Variants in SYNE1 observed in about 807,000 individuals in gnomAD.
The protein encoded by SYNE1 is nesprin-1.
SYNE1 carries 616 observed loss-of-function variants against 1,111.0 expected under a neutral mutation model. The observed-to-expected ratio is 0.55, with a 90% confidence interval of 0.52 to 0.59. The LOEUF is 0.59. Among genes scored for constraint, SYNE1 ranks in the 20% least tolerant of loss-of-function variants. SYNE1 has a pLI of 0.00. For missense variants in SYNE1, 10,006 were observed against 10,417.0 expected (o/e 0.96, Z 1.72); for synonymous variants, 3,855 against 3,825.8 (o/e 1.01, Z -0.28).
At chr6:152,215,164 G>A (rs1482986274) in intron 121 of SYNE1, 104 bp from the exon 122 acceptor site, 11 of 1,325,204 alleles carry the variant, frequency 8.3e-6, no homozygotes, top group Admixed American at 3.5e-5. Flanking sequence ...GCTGGTCTTC[G>A]GTCTAGTGGC....
intron 86 of SYNE1, 87 bp from the exon 87 acceptor site, chr6:152,317,073 C>T (rs2095744329): frequency 1.1e-5 from 17 of 1,490,610 alleles, no homozygotes; most frequent in African/African-American, 5.5e-5. Context: ...TTGGACACAA[C>T]AGTCTTAGGG....
At position 152,239,574 on chromosome 6, in the gene SYNE1, G is replaced by A. The variant is rs747926603; in HGVS notation, c.20026C>T (p.Arg6676Trp). 27 of 1,614,056 alleles carry A rather than the reference G, an allele frequency of 1.7e-5. No individual in the cohort carries two copies. In the Admixed American group the frequency reaches 1.8e-4, roughly 11 times the overall value. ...AGCTCCACACCCCTCTTGTGAGCCCGTTTCAGTACAGCAGAAGCCTGAGCC... is the reference window on the plus strand; with the variant it reads ...AGCTCCACACCCCTCTTGTGAGCCCATTTCAGTACAGCAGAAGCCTGAGCC... Reference protein sequence around the residue: ...LMAQASAVLKRAHKRGVELEY... With the variant: ...LMAQASAVLKWAHKRGVELEY... The change falls in exon 108 of 146, where the codon CGG becomes TGG. Residue 6676 changes from arginine (R) to tryptophan (W), a missense_variant. By Grantham distance (101) the Arg-to-Trp change is moderately radical. This residue lies in a region of SYNE1 where 2,182 missense variants were observed against 2,287.8 expected (regional missense o/e 0.95). Transcript: ENST00000367255.
chr6:152,139,609 G>A (rs1337986332), intron 140 of SYNE1, among the ~76,000 whole-genome samples: 4 of 140,298 alleles, frequency 2.9e-5, no homozygotes, highest in African/African-American at 5.3e-5. Flanking sequence ...GGGAGGGAGG[G>A]GGGAGAGAGG....
Position 152,395,582 on chromosome 6 carries a change from T to C in SYNE1, c.7646A>G (p.His2549Arg), listed in dbSNP as rs776730119. The part of the protein sequence containing the change: ...NTENLGESKQ[H>R]IPEKKNEVHK... Reference sequence around the variant, plus strand: ...AACTTCATTTTTCTTCTCAGGAATGTGCTGTTTACTCTCTCCCAAGTTTTC... The same window carrying C: ...AACTTCATTTTTCTTCTCAGGAATGCGCTGTTTACTCTCTCCCAAGTTTTC... The change falls in exon 51 of 146, where the codon CAC becomes CGC. Residue 2549 changes from histidine to arginine, a missense_variant. By Grantham distance (29) the His-to-Arg change is conservative. Transcript: ENST00000367255. The C allele has an allele frequency of 1.2e-6, 2 of 1,614,172 alleles. No homozygotes were observed. The highest frequency in any genetic ancestry group is 2.2e-5 in the East Asian group (1 of 44,876).
intron 42 of SYNE1, among the ~76,000 whole-genome samples, chr6:152,412,340 C>T (rs1479484375): frequency 1.3e-5 from 2 of 151,106 alleles, no homozygotes; most frequent in African/African-American, 4.9e-5. Flanking sequence ...AGGAGAATGG[C>T]GTGAACCTGG....
At position 152,122,324 on chromosome 6, in the gene SYNE1, C is replaced by A; in HGVS notation, c.*112G>T. ...GTGATCTGGAGGAGGGCTAAAGCTG[C>A]CACACCGAGGGCTTTCGCCAAGATC... On this transcript the variant is annotated 3_prime_UTR_variant, in exon 146 of 146. Coordinates refer to ENST00000367255, the MANE Select transcript of SYNE1 (RefSeq NM_182961.4). 4 of 1,575,614 alleles carry A rather than the reference C, an allele frequency of 2.5e-6. No individual in the cohort carries two copies. The highest frequency in any genetic ancestry group is 3.5e-6 in the Non-Finnish European group (4 of 1,149,574).
chr6:152,440,629 G>T (rs556590020), intron 32 of SYNE1, among the ~76,000 whole-genome samples: 1 of 144,256 alleles, frequency 6.9e-6, no homozygotes, highest in South Asian at 2.2e-4. Flanking sequence ...GTGCAGTGGT[G>T]CCATCTCGGC....
chr6:152,211,241 T>C (rs1408287209), intron 124 of SYNE1, among the ~76,000 whole-genome samples: 1 of 152,208 alleles, frequency 6.6e-6, no homozygotes, highest in African/African-American at 2.4e-5. Flanking sequence ...TTCCTACAGA[T>C]GACTAGTGAA....
At chr6:152,633,119 T>G (rs1228281611) in intron 2 of SYNE1, among the ~76,000 whole-genome samples, 1 of 152,176 alleles carries the variant, frequency 6.6e-6, no homozygotes, top group Non-Finnish European at 1.5e-5. Context: ...ATTCCCAAGA[T>G]TATTAAAACA....
chr6:152,378,551 AT>A lies in SYNE1; in HGVS notation c.9010-1640del, dbSNP rs1291950717. Among the ~76,000 whole-genome samples, 4 of 152,090 alleles carry A rather than the reference AT, an allele frequency of 2.6e-5. No individual in the cohort carries two copies. The East Asian group carries it at 7.7e-4, about 29-fold the overall frequency. On this transcript the variant is annotated intron_variant, in intron 56 of 145. Transcript: ENST00000367255. ...CGTTGACTTTCACAGACCCACTTAC[AT>A]ATTCATTATTTCTTTTGGGGGTGGC...
chr6:152,360,251 C>T (rs1228881667), intron 64 of SYNE1, among the ~76,000 whole-genome samples: 1 of 152,188 alleles, frequency 6.6e-6, no homozygotes, highest in Non-Finnish European at 1.5e-5. Flanking sequence ...CTCCATCAAA[C>T]TCCCCTTGCA....
intron 91 of SYNE1, among the ~76,000 whole-genome samples, chr6:152,306,043 C>A (rs1342747710): frequency 6.6e-6 from 1 of 152,096 alleles, no homozygotes; most frequent in Non-Finnish European, 1.5e-5. Context: ...CAGATAGTTT[C>A]TGTTACAGTG....
At chr6:152,224,698 A>G in intron 116 of SYNE1, 34 bp from the exon 117 acceptor site, 1 of 1,592,156 alleles carries the variant, frequency 6.3e-7, no homozygotes, top group Non-Finnish European at 8.6e-7. Context: ...TTATAATTTC[A>G]TAATATCTAG....
chr6:152,228,359 AC>A (rs1224901877), intron 115 of SYNE1, among the ~76,000 whole-genome samples: 2 of 152,130 alleles, frequency 1.3e-5, no homozygotes, highest in Non-Finnish European at 2.9e-5. Flanking sequence ...ACACTGTCTG[AC>A]CTGGCTCTCT....
rs950080973 is a variant in SYNE1 at position 152,148,865 on chromosome 6, G to A, written c.24643-487C>T. On this transcript the variant is annotated intron_variant, in intron 136 of 145. Transcript: ENST00000367255. This position sits in a 1 kb window ranked among gnomAD's most constrained non-coding sequence, Gnocchi z 4.1. ...CAACACCTACACACTGGCAAGGATC[G>A]GAAATAAGAGCAAATTACTAAGACC... 1.1e-4 allele frequency among the ~76,000 whole-genome samples: 16 copies of A among 152,008 alleles called. No homozygotes were observed. Among genetic ancestry groups the A allele is most frequent in the South Asian group, 8.3e-4 (4 of 4,814 alleles).
In SYNE1 at chr6:152,180,179, T is replaced by G; in HGVS notation, c.23417A>C (p.Asn7806Thr). The change falls in exon 129 of 146, where the codon AAT becomes ACT. Residue 7806 changes from asparagine to threonine, a missense_variant. Physicochemically the swap from Asn to Thr is moderately conservative, Grantham distance 65. Around this residue, in one of 7 missense-constraint regions of SYNE1, gnomAD observed 2,182 missense variants for 2,287.8 expected, o/e 0.95. Transcript: ENST00000367255. ...LTQMESKVSQ[N>T]GDILIEEMIE... ...CATTTCTTCAATGAGAATGTCTCCA[T>G]TCTGAGAAACTTTGCTTTCCATTTG... is the stretch of plus-strand genomic sequence containing the variant. The G allele has an allele frequency of 6.2e-7, 1 of 1,614,150 alleles. No homozygotes were observed. The highest frequency in any genetic ancestry group is 1.3e-5 in the African/African-American group (1 of 75,062).
chr6:152,169,391 T>C (rs1202543178), intron 130 of SYNE1, among the ~76,000 whole-genome samples: 3 of 151,246 alleles, frequency 2.0e-5, no homozygotes, highest in African/African-American at 7.3e-5. Context: ...TGAAACCCTG[T>C]CTCTACTAAA....
Position 152,310,500 on chromosome 6 carries a change from C to T in SYNE1, c.16915G>A (p.Ala5639Thr), listed in dbSNP as rs994832142. The T allele has an allele frequency of 1.2e-6, 2 of 1,614,076 alleles. No individual in the cohort carries two copies. The highest frequency in any genetic ancestry group is 1.7e-6 in the Non-Finnish European group (2 of 1,180,004). Residue 5639 changes from alanine (A) to threonine (T), a missense_variant, in exon 89 of 146, where the codon GCA becomes ACA. Ala to Thr is a moderately conservative substitution (Grantham distance 58). Transcript: ENST00000367255. ...DAAKDMKKFE[A>T]ELKKLQAALE... ...GCAGCTTGTAACTTTTTCAACTCTG[C>T]TTCAAATTTTTTCATATCCTAGAGA...
At chr6:152,173,815 G>A (rs2065767180) in intron 130 of SYNE1, among the ~76,000 whole-genome samples, 1 of 152,166 alleles carries the variant, frequency 6.6e-6, no homozygotes, top group African/African-American at 2.4e-5. Context: ...ACAAAAATTA[G>A]TATTGTATAA....
Sources: allele counts gnomAD v4.1 joint callset (sites outside exome capture counted in the v4.1 genomes callset), GRCh38; gene constraint gnomAD v4.1.1; regional missense constraint gnomAD v4.1.1; non-coding constraint Gnocchi (gnomAD v3.1); transcripts MANE v1.5; gene names NCBI Gene and HGNC (gene_info 2026-07-23, HGNC 2026-07-21).